KDM4C: variants seen among roughly 807,000 people sequenced by gnomAD.
The protein encoded by KDM4C is lysine demethylase 4C.
Under a neutral mutation model 129.3 loss-of-function variants are expected in KDM4C, and 81 were observed. The ratio of observed to expected loss-of-function variants is 0.63; its 90% CI spans 0.52 to 0.75. The LOEUF is 0.75. Among genes scored for constraint, KDM4C ranks in the 30% least tolerant of loss-of-function variants. KDM4C has a pLI of 0.00. For missense variants in KDM4C, 1,457 were observed against 1,304.0 expected, an observed-to-expected ratio of 1.12 and a Z score of -1.81; for synonymous variants, 573 against 456.1, an observed-to-expected ratio of 1.26 and a Z score of -3.26.
Position 6,741,389 on chromosome 9 carries a change from T to G in KDM4C, c.49+20392T>G, listed in dbSNP as rs540011584. Among the ~76,000 whole-genome samples the G allele has an allele frequency of 1.2e-4, 18 of 152,110 alleles. 1 individual carries two copies. The highest frequency in any genetic ancestry group is 4.1e-4 in the African/African-American group (17 of 41,510). On this transcript the variant is annotated intron_variant, in intron 1 of 17. Coordinates refer to the KDM4C transcript ENST00000536108. Reference sequence around the variant, plus strand: ...CAGCCTGGGCAACAGAGCGAGACTCTATCTCAAAAAACAAAAAACAAAAAC... The same window carrying G: ...CAGCCTGGGCAACAGAGCGAGACTCGATCTCAAAAAACAAAAAACAAAAAC...
chr9:6,919,336 T>C (rs1489230897), intron 8 of KDM4C, among the ~76,000 whole-genome samples: 1 of 151,190 alleles, frequency 6.6e-6, no homozygotes, highest in Non-Finnish European at 1.5e-5. Flanking sequence ...CTTTGTCAGA[T>C]GTATAGTGTG....
chr9:7,015,895 T>A lies in KDM4C; in HGVS notation c.2225T>A (p.Leu742Gln). 6.2e-7 allele frequency: 1 copy of A among 1,613,208 alleles called. No homozygotes were observed. Among genetic ancestry groups the A allele is most frequent in the Non-Finnish European group, 8.5e-7 (1 of 1,179,362 alleles). The change falls in exon 15 of 22, where the codon CTG (leucine) becomes CAG (glutamine). Residue 742 changes from leucine to glutamine, a missense_variant. Physicochemically the swap from Leu to Gln is moderately radical, Grantham distance 113. Transcript: ENST00000381309. Reference sequence around the variant, plus strand: ...TCTCATGAGATCTGTGATGGATGGCTGTGTGCCCGGTGCAAAAGAAATGCG... The same window carrying A: ...TCTCATGAGATCTGTGATGGATGGCAGTGTGCCCGGTGCAAAAGAAATGCG... ...IPSHEICDGW[L>Q]CARCKRNAWT...
At chr9:6,803,272 C>A (rs1829341919) in intron 2 of KDM4C, among the ~76,000 whole-genome samples, 1 of 152,086 alleles carries the variant, frequency 6.6e-6, no homozygotes. Context: ...CAATAAAAAA[C>A]CTTAAAAAGA....
At chr9:7,012,466 T>G (rs1214363186) in intron 13 of KDM4C, among the ~76,000 whole-genome samples, 1 of 152,180 alleles carries the variant, frequency 6.6e-6, no homozygotes, top group African/African-American at 2.4e-5. Flanking sequence ...GAACTTAAAC[T>G]TAATCTCTGT....
intron 5 of KDM4C, among the ~76,000 whole-genome samples, chr9:6,864,610 A>G (rs1841579277): frequency 1.3e-5 from 2 of 151,692 alleles, no homozygotes; most frequent in South Asian, 2.1e-4. Flanking sequence ...CTGGGATTAC[A>G]GGCATGTGCC....
intron 4 of KDM4C, among the ~76,000 whole-genome samples, chr9:6,821,380 C>G (rs574692744): frequency 2.6e-5 from 4 of 152,166 alleles, no homozygotes; most frequent in Non-Finnish European, 4.4e-5. Flanking sequence ...TCTCCAGCAT[C>G]TGTTGTTTCC....
chr9:6,779,486 G>GT (rs1823849194), intron 1 of KDM4C, among the ~76,000 whole-genome samples: 1 of 152,172 alleles, frequency 6.6e-6, no homozygotes, highest in Admixed American at 6.5e-5. Flanking sequence ...AATTTGGTGT[G>GT]TTCGTGAAAC....
intron 1 of KDM4C, among the ~76,000 whole-genome samples, chr9:6,724,273 G>A (rs1817053959): frequency 6.6e-6 from 1 of 152,132 alleles, no homozygotes; most frequent in Non-Finnish European, 1.5e-5. Context: ...AGGGTTTTGG[G>A]CACAGCATTT....
At chr9:6,993,641 A>G (rs981112795) in intron 12 of KDM4C, among the ~76,000 whole-genome samples, 19 of 152,162 alleles carry the variant, frequency 1.2e-4, no homozygotes, top group Admixed American at 9.2e-4. Flanking sequence ...TGAACTATGC[A>G]TGCTCTGGTG....
chr9:7,001,573 T>C (rs1430464635), intron 12 of KDM4C, among the ~76,000 whole-genome samples: 2 of 152,248 alleles, frequency 1.3e-5, no homozygotes, highest in African/African-American at 2.4e-5. Flanking sequence ...GAATAGTCCA[T>C]GTCTTTATCT....
intron 4 of KDM4C, among the ~76,000 whole-genome samples, chr9:6,848,700 A>G (rs1838302570): frequency 6.6e-6 from 1 of 152,068 alleles, no homozygotes; most frequent in South Asian, 2.1e-4. Context: ...TTAAGTTCTA[A>G]TCAAACCAGA....
chr9:7,165,417 A>G, intron 20 of KDM4C, 60 bp downstream of exon 20: 1 of 1,563,764 alleles, frequency 6.4e-7, no homozygotes, highest in Non-Finnish European at 8.7e-7. Context: ...AGAAGGAGAT[A>G]GTATCTCAAG....
In KDM4C at chr9:6,805,761, G is replaced by A; in HGVS notation, c.307G>A (p.Ala103Thr). ...AMTVKEFRQL[A>T]NSGKYCTPRY... ...GACTGTGAAGGAGTTCAGGCAGCTG[G>A]CCAACAGTGGCAAGTGAGTAGAATC... Residue 103 changes from alanine to threonine, a missense_variant, in exon 3 of 22, where the codon GCC becomes ACC. By Grantham distance (58) the Ala-to-Thr change is moderately conservative. Transcript: ENST00000381309. 2 of 1,611,082 alleles carry A rather than the reference G, an allele frequency of 1.2e-6. No individual in the cohort carries two copies. Among genetic ancestry groups the A allele is most frequent in the Non-Finnish European group, 1.7e-6 (2 of 1,179,066 alleles).
rs1829488034 is a variant in KDM4C at position 7,046,925 on chromosome 9, A to G, written c.2315+8A>G. On this transcript the variant is annotated splice_region_variant and intron_variant, in intron 16 of 21. Coordinates refer to ENST00000381309, the MANE Select transcript of KDM4C (RefSeq NM_015061.6). ...GCAAACGAAGAACAATAAGTAAGTA[A>G]TACATTAATTGTGTTGAATTTCATT... 1.3e-6 allele frequency: 2 copies of G among 1,543,224 alleles called. No individual in the cohort carries two copies. Among genetic ancestry groups the G allele is most frequent in the South Asian group, 2.3e-5 (2 of 88,700 alleles).
At chr9:7,124,556 C>G (rs1839840101) in intron 18 of KDM4C, among the ~76,000 whole-genome samples, 1 of 152,164 alleles carries the variant, frequency 6.6e-6, no homozygotes, top group Non-Finnish European at 1.5e-5. Context: ...AAGTCACTCT[C>G]TTACTTTAAA....
chr9:6,827,989 C>T (rs1834164748), intron 4 of KDM4C, among the ~76,000 whole-genome samples: 2 of 152,114 alleles, frequency 1.3e-5, no homozygotes, highest in South Asian at 2.1e-4. Flanking sequence ...GTTCTAGAAG[C>T]TGTGTTTTCA....
At chr9:7,162,102 C>T (rs986365193) in intron 19 of KDM4C, among the ~76,000 whole-genome samples, 1 of 152,124 alleles carries the variant, frequency 6.6e-6, no homozygotes, top group African/African-American at 2.4e-5. Context: ...GCTGAATGAC[C>T]TGGTGCAGGG....
At chr9:6,839,473 C>G (rs1368206615) in intron 4 of KDM4C, among the ~76,000 whole-genome samples, 1 of 149,464 alleles carries the variant, frequency 6.7e-6, no homozygotes, top group Non-Finnish European at 1.5e-5. Context: ...GTCTCAGACT[C>G]AAGCAATCCT....
At chr9:6,739,625 C>A (rs1817626170) in intron 1 of KDM4C, among the ~76,000 whole-genome samples, 1 of 148,606 alleles carries the variant, frequency 6.7e-6, no homozygotes, top group Non-Finnish European at 1.5e-5. Flanking sequence ...TATTGATATG[C>A]AGGGTAGATT....
Sources: gnomAD v4.1 joint callset for allele counts (sites outside exome capture counted in the v4.1 genomes callset) on GRCh38, gnomAD v4.1.1 for gene constraint, MANE v1.5 for transcripts, NCBI Gene and HGNC (gene_info 2026-07-23, HGNC 2026-07-21) for gene names.